SGK3: variants seen among roughly 807,000 people sequenced by gnomAD.
SGK3 encodes the protein serine/threonine-protein kinase Sgk3.
Under a neutral mutation model 68.5 loss-of-function variants are expected in SGK3, and 47 were observed. The observed-to-expected ratio is 0.69, with a 90% CI of 0.54 to 0.87. SGK3 has a LOEUF of 0.87. Ranked by LOEUF, SGK3 falls within the 40% of genes least tolerant of loss-of-function variation. SGK3 has a pLI of 0.00. For missense variants in SGK3, 479 were observed against 575.5 expected, an observed-to-expected ratio of 0.83 and a Z score of 1.72; for synonymous variants, 181 against 189.1, an observed-to-expected ratio of 0.96 and a Z score of 0.35.
At chr8:66,770,425 G>C (rs1261397195) in intron 1 of SGK3, among the ~76,000 whole-genome samples, 1 of 152,136 alleles carries the variant, frequency 6.6e-6, no homozygotes, top group African/African-American at 2.4e-5. Flanking sequence ...TTTGATTTGA[G>C]ATAGAGTTAA....
At chr8:66,738,080 A>G (rs111657997) in intron 1 of SGK3, among the ~76,000 whole-genome samples, 1 of 151,824 alleles carries the variant, frequency 6.6e-6, no homozygotes, top group Non-Finnish European at 1.5e-5. Context: ...CATTTTCACC[A>G]ATTTCATTTT....
At chr8:66,845,331 G>A (rs896263373) in intron 14 of SGK3, among the ~76,000 whole-genome samples, 4 of 152,022 alleles carry the variant, frequency 2.6e-5, no homozygotes, top group Non-Finnish European at 4.4e-5. Context: ...CCTGGGAGGC[G>A]GAGGTTACAG....
Position 66,836,072 on chromosome 8 carries a change from G to A in SGK3, c.739G>A (p.Glu247Lys). Residue 247 changes from glutamate to lysine, a missense_variant and splice_region_variant, in exon 10 of 17, where the codon GAG becomes AAG. Coordinates refer to ENST00000521198, the MANE Select transcript of SGK3 (RefSeq NM_001033578.3). Reference sequence around the variant, plus strand: ...TGTTCTGGATTTTGTTAATGGAGGGGAGGTGAGTTTTATAATGAGTTTTCT... The same window carrying A: ...TGTTCTGGATTTTGTTAATGGAGGGAAGGTGAGTTTTATAATGAGTTTTCT... ...YFVLDFVNGG[E>K]LFFHLQRERS... is the part of the protein sequence containing the mutation. 6.2e-7 allele frequency: 1 copy of A among 1,610,528 alleles called. No individual in the cohort carries two copies. The highest frequency in any genetic ancestry group is 1.1e-5 in the South Asian group (1 of 90,284).
intron 1 of SGK3, among the ~76,000 whole-genome samples, chr8:66,715,502 C>A (rs959885520): frequency 1.3e-5 from 2 of 152,196 alleles, no homozygotes; most frequent in Non-Finnish European, 2.9e-5. Flanking sequence ...ATCAGCCTGC[C>A]TTGGCCTCCC....
intron 4 of SGK3, among the ~76,000 whole-genome samples, chr8:66,805,890 G>A (rs939462146): frequency 1.3e-5 from 2 of 152,140 alleles, no homozygotes; most frequent in East Asian, 1.9e-4. Flanking sequence ...AAGCTCTAAG[G>A]TCCCTTATAT....
intron 5 of SGK3, among the ~76,000 whole-genome samples, chr8:66,816,356 T>TTTTG (rs1157857677): frequency 1.1e-4 from 16 of 148,150 alleles, no homozygotes; most frequent in African/African-American, 4.0e-4. Flanking sequence ...TTTTTTTTTT[T>TTTTG]TGTGTGTGAG....
chr8:66,815,722 A>C (rs1277036177), intron 5 of SGK3, among the ~76,000 whole-genome samples: 2 of 152,162 alleles, frequency 1.3e-5, no homozygotes, highest in Non-Finnish European at 2.9e-5. Context: ...CTAGTATTTT[A>C]AGTTACTCAG....
At chr8:66,754,645 A>G (rs1001722038) in intron 1 of SGK3, among the ~76,000 whole-genome samples, 1 of 152,240 alleles carries the variant, frequency 6.6e-6, no homozygotes, top group African/African-American at 2.4e-5. Flanking sequence ...AGGTCATTTT[A>G]TACAATATTT....
chr8:66,794,727 C>G (rs1049926096), intron 2 of SGK3, among the ~76,000 whole-genome samples: 1 of 152,116 alleles, frequency 6.6e-6, no homozygotes, highest in African/African-American at 2.4e-5. Flanking sequence ...GAGAGGTGTC[C>G]CCTTTCACAG....
chr8:66,796,492 C>T (rs779596993), intron 2 of SGK3, among the ~76,000 whole-genome samples: 2 of 151,104 alleles, frequency 1.3e-5, no homozygotes, highest in Non-Finnish European at 3.0e-5. Context: ...GAAACAGGGT[C>T]TTGGTATGTT....
chr8:66,746,448 C>T (rs548255031), intron 1 of SGK3, among the ~76,000 whole-genome samples: 1 of 152,284 alleles, frequency 6.6e-6, no homozygotes, highest in African/African-American at 2.4e-5. Context: ...TGGTAGCTCA[C>T]ACCTGTAGTC....
chr8:66,788,496 A>G (rs1295106459), intron 1 of SGK3, among the ~76,000 whole-genome samples: 5 of 152,116 alleles, frequency 3.3e-5, no homozygotes, highest in Admixed American at 6.6e-5. Flanking sequence ...CCTGTTTGCC[A>G]TGTCATTTCC....
chr8:66,779,591 TATATATATATAA>T (rs1398278437), intron 1 of SGK3, among the ~76,000 whole-genome samples: 1 of 130,840 alleles, frequency 7.6e-6, no homozygotes, highest in African/African-American at 3.1e-5. Context: ...TATATATATA[TATATATATATAA>T]AACACATTTT....
Position 66,813,914 on chromosome 8 carries a change from A to G in SGK3, c.315A>G (p.Pro105=). ...TCATTCAGAACCTAGTTAGGTATCC[A>G]GAACTTTATAACCAGTAAGTAATTT... ...NEFIQNLVRY[P]ELYNHPDVRA... The change falls in exon 5 of 17, where the codon CCA becomes CCG. Residue 105 remains proline (P), a synonymous_variant. Transcript: ENST00000521198. The G allele has an allele frequency of 6.3e-7, 1 of 1,592,414 alleles. No homozygotes were observed.
intron 16 of SGK3, among the ~76,000 whole-genome samples, chr8:66,853,995 T>G (rs1182172123): frequency 6.6e-6 from 1 of 152,220 alleles, no homozygotes; most frequent in Non-Finnish European, 1.5e-5. Flanking sequence ...TTAGGTAGGA[T>G]TTCATTGAAG....
intron 1 of SGK3, among the ~76,000 whole-genome samples, chr8:66,783,362 A>G (rs77110544): frequency 0.03 from 4,539 of 152,094 alleles, 216 homozygotes; most frequent in African/African-American, 0.1. Flanking sequence ...ACAGTCCTTT[A>G]TTGGCTGTAT....
intron 1 of SGK3, among the ~76,000 whole-genome samples, chr8:66,738,965 C>T (rs1386868474): frequency 6.6e-6 from 1 of 152,064 alleles, no homozygotes; most frequent in East Asian, 1.9e-4. Flanking sequence ...TTCCTGTAAC[C>T]ATTTTTACCC....
At chr8:66,724,193 T>A (rs888619175) in intron 1 of SGK3, among the ~76,000 whole-genome samples, 1 of 152,256 alleles carries the variant, frequency 6.6e-6, no homozygotes, top group Non-Finnish European at 1.5e-5. Context: ...TTGCCCAGGC[T>A]AGTCTCAAAC....
chr8:66,778,366 G>T (rs377536228), intron 1 of SGK3, among the ~76,000 whole-genome samples: 13 of 152,192 alleles, frequency 8.5e-5, no homozygotes, highest in African/African-American at 2.6e-4. Context: ...GCGCGATCTC[G>T]GCACTTGGCA....
Sources: gnomAD v4.1 joint callset for allele counts (sites outside exome capture counted in the v4.1 genomes callset) on GRCh38, gnomAD v4.1.1 for gene constraint, MANE v1.5 for transcripts, NCBI Gene and HGNC (gene_info 2026-07-23, HGNC 2026-07-21) for gene names.